Variants in PREX1 observed in about 807,000 individuals in gnomAD.
PREX1 encodes the protein phosphatidylinositol 3,4,5-trisphosphate-dependent Rac exchanger 1 protein.
PREX1 carries 41 observed loss-of-function variants against 198.3 expected under a neutral mutation model. The observed-to-expected ratio is 0.21, with a 90% confidence interval of 0.16 to 0.27. The LOEUF is 0.27. PREX1 is among the 10% of genes least tolerant of loss of function. The probability of loss-of-function intolerance (pLI) is 1.00; values close to 1 mark genes in which losing one functional copy is unlikely to be tolerated. For missense variants in PREX1, 1,620 were observed against 2,200.7 expected, an observed-to-expected ratio of 0.74 and a Z score of 5.28; for synonymous variants, 843 against 887.2, an observed-to-expected ratio of 0.95 and a Z score of 0.89.
chr20:48,692,922 A>G, intron 7 of PREX1, 132 bp from the exon 8 acceptor site: 1 of 739,972 alleles, frequency 1.4e-6, no homozygotes, highest in Non-Finnish European at 2.4e-6. Flanking sequence ...AGGGGTCAGG[A>G]GCAGGAGTGT....
At chr20:48,860,990 A>T in the PREX1 span, among the ~76,000 whole-genome samples, 8 of 152,246 alleles carry the variant, frequency 5.3e-5, no homozygotes, top group Non-Finnish European at 4.4e-5. Context: ...AAGAAAAAAA[A>T]TTGTAGTAAG....
At chr20:48,748,000 G>A (rs2090117237) in intron 1 of PREX1, 120 bp from the exon 2 acceptor site, 1 of 868,960 alleles carries the variant, frequency 1.2e-6, no homozygotes, top group Admixed American at 2.0e-5. Flanking sequence ...ACGAGTCCAG[G>A]GACACAGGCA....
chr20:48,658,809 T>C (rs75131519), intron 16 of PREX1, among the ~76,000 whole-genome samples: 2,542 of 152,218 alleles, frequency 0.017, 44 homozygotes, highest in Non-Finnish European at 0.022. Flanking sequence ...GAAGGTGCTA[T>C]CGGAGCTGAG....
At chr20:48,787,789 C>T (rs2090319996) in intron 1 of PREX1, among the ~76,000 whole-genome samples, 1 of 152,168 alleles carries the variant, frequency 6.6e-6, no homozygotes, top group African/African-American at 2.4e-5. Context: ...CCCAATGATA[C>T]ATTTTTTAAG....
At position 48,676,273 on chromosome 20, in the gene PREX1, G is replaced by A. The variant is rs1312703572; in HGVS notation, c.1590-5C>T. On this transcript the variant is annotated splice_polypyrimidine_tract_variant and splice_region_variant and intron_variant, in intron 13 of 39. Coordinates refer to ENST00000371941, the MANE Select transcript of PREX1 (RefSeq NM_020820.4). ...TTCAGGTGGTAATCACGGTCTCTGTGGAGAAGGTGAGCGCACAGTGAGCAG... is the reference window on the plus strand; with the variant it reads ...TTCAGGTGGTAATCACGGTCTCTGTAGAGAAGGTGAGCGCACAGTGAGCAG... 8.1e-6 allele frequency: 13 copies of A among 1,613,426 alleles called. No homozygotes were observed. In the South Asian group the frequency reaches 1.4e-4, roughly 18 times the overall value.
chr20:48,831,801 T>TGATTCAGCCATCAG (rs559010125), upstream of PREX1, among the ~76,000 whole-genome samples: 88 of 152,354 alleles, frequency 5.8e-4, no homozygotes, highest in South Asian at 0.017. Context: ...CCCAGTGTCA[T>TGATTCAGCCATCAG]GATTCAGCCA....
chr20:48,787,620 A>G lies in PREX1; in HGVS notation c.220-39740T>C, dbSNP rs566761496. ...TCCCCCTTACATTAAAAAAAAAAAA[A>G]GCAACCATAAAACAAAAAACAAAAC... On this transcript the variant is annotated intron_variant, in intron 1 of 39. Coordinates refer to ENST00000371941, the MANE Select transcript of PREX1 (RefSeq NM_020820.4). Among the ~76,000 whole-genome samples the G allele has an allele frequency of 9.3e-5, 14 of 150,892 alleles. No individual in the cohort carries two copies. The South Asian group carries it at 2.9e-3, about 31-fold the overall frequency.
chr20:48,634,819 T>C lies in PREX1; in HGVS notation c.4168-44A>G, dbSNP rs765550104. ...GCGGAGGAGTCTCAGATGCCAACCC[T>C]GCCCCAGGGTTTCCTATCAAGATGC... On this transcript the variant is annotated intron_variant, in intron 32 of 39. Transcript: ENST00000371941. The C allele has an allele frequency of 5.2e-6, 8 of 1,548,988 alleles. No homozygotes were observed. The African/African-American group carries it at 1.1e-4, about 21-fold the overall frequency.
the PREX1 span, among the ~76,000 whole-genome samples, chr20:48,861,574 G>A: frequency 6.6e-6 from 1 of 152,180 alleles, no homozygotes; most frequent in Admixed American, 6.5e-5. Flanking sequence ...AGCTGAGTTT[G>A]CAAAGCCTGG....
At chr20:48,716,456 G>A (rs2089963030) in intron 5 of PREX1, among the ~76,000 whole-genome samples, 2 of 152,172 alleles carry the variant, frequency 1.3e-5, no homozygotes, top group Admixed American at 1.3e-4. Flanking sequence ...AAACAAACGT[G>A]GCTAGAGCCA....
At chr20:48,853,794 G>A in the PREX1 span, among the ~76,000 whole-genome samples, 1 of 152,236 alleles carries the variant, frequency 6.6e-6, no homozygotes, top group African/African-American at 2.4e-5. Context: ...TCCACCAGCT[G>A]AGTGACATCA....
chr20:48,770,985 G>A (rs62210125), intron 1 of PREX1, among the ~76,000 whole-genome samples: 2,614 of 152,296 alleles, frequency 0.017, 46 homozygotes, highest in South Asian at 0.023. Context: ...ACCAGGTTTA[G>A]AAGGTGCTGG....
At chr20:48,770,863 G>A (rs1039670704) in intron 1 of PREX1, among the ~76,000 whole-genome samples, 1 of 152,182 alleles carries the variant, frequency 6.6e-6, no homozygotes, top group Non-Finnish European at 1.5e-5. Context: ...GGCACTCAGT[G>A]GAAATGCTGA....
At chr20:48,786,245 G>A (rs1432201374) in intron 1 of PREX1, among the ~76,000 whole-genome samples, 5 of 152,160 alleles carry the variant, frequency 3.3e-5, no homozygotes, top group African/African-American at 7.2e-5. Flanking sequence ...CCCCCTTGGA[G>A]GACAAATAAG....
At chr20:48,664,053 C>T (rs2089616557) in intron 15 of PREX1, among the ~76,000 whole-genome samples, 1 of 152,162 alleles carries the variant, frequency 6.6e-6, no homozygotes, top group African/African-American at 2.4e-5. Context: ...TGGGATCTGC[C>T]TAACAGGGAG....
intron 1 of PREX1, among the ~76,000 whole-genome samples, chr20:48,785,757 T>A (rs2090309190): frequency 6.6e-6 from 1 of 152,094 alleles, no homozygotes; most frequent in Non-Finnish European, 1.5e-5. Flanking sequence ...GCCTGTGCAC[T>A]CAGAGGGTTT....
intron 1 of PREX1, among the ~76,000 whole-genome samples, chr20:48,811,252 T>C (rs2090433666): frequency 6.6e-6 from 1 of 152,078 alleles, no homozygotes; most frequent in African/African-American, 2.4e-5. Context: ...CGACCTCAGG[T>C]GATCCACCCA....
chr20:48,836,520 A>T, the PREX1 span, among the ~76,000 whole-genome samples: 1 of 152,138 alleles, frequency 6.6e-6, no homozygotes. Context: ...CGTGAAATAG[A>T]CAGAGGGCAA....
chr20:48,650,195 T>C lies in PREX1; in HGVS notation c.2829A>G (p.Gln943=), dbSNP rs771408493. ...RIACYQEFAA[Q]LKSRVSPPFK... The stretch of plus-strand genomic sequence containing the variant: ...AGGGTGGGCTGACCCTGCTCTTCAG[T>C]TGGGCTGCAAACTGAGAAAGTGGAG... The change falls in exon 24 of 40, where the codon CAA becomes CAG. Residue 943 remains glutamine, a synonymous_variant. Transcript: ENST00000371941. 1.7e-5 allele frequency: 28 copies of C among 1,612,312 alleles called. No homozygotes were observed. Among genetic ancestry groups the C allele is most frequent in the Middle Eastern group, 1.8e-4 (1 of 5,614 alleles).
Sources: allele counts gnomAD v4.1 joint callset (sites outside exome capture counted in the v4.1 genomes callset), GRCh38; gene constraint gnomAD v4.1.1; transcripts MANE v1.5; gene names NCBI Gene and HGNC (gene_info 2026-07-23, HGNC 2026-07-21).